Variants in RRAS2 observed in about 807,000 individuals in gnomAD.
RRAS2 encodes ras-related protein R-Ras2.
RRAS2 carries 7 observed loss-of-function variants against 27.6 expected under a neutral mutation model. That is an observed-to-expected ratio of 0.25 (90% CI 0.14 to 0.48). The LOEUF is 0.48. Ranked by LOEUF, RRAS2 falls within the 20% of genes least tolerant of loss-of-function variation. The probability of loss-of-function intolerance (pLI) is 0.99; values close to 1 mark genes in which losing one functional copy is unlikely to be tolerated. For synonymous variants in RRAS2, 86 were observed against 90.9 expected (o/e 0.95, Z 0.31); for missense variants, 178 against 256.2 (o/e 0.69, Z 2.08).
intron 1 of RRAS2, among the ~76,000 whole-genome samples, chr11:14,328,431 A>T (rs1410257620): frequency 3.3e-5 from 5 of 151,862 alleles, no homozygotes; most frequent in African/African-American, 1.2e-4. Flanking sequence ...AGCCAGGAAG[A>T]CACGTGTAAA....
upstream of RRAS2, chr11:14,359,190 C>T (rs1190019625): frequency 1.2e-5 from 11 of 910,118 alleles, no homozygotes; most frequent in Non-Finnish European, 1.3e-5. Flanking sequence ...GTCTGGGGGC[C>T]GGGCTGCCAG....
Position 14,358,660 on chromosome 11 carries a change from C to G in RRAS2, c.108+103G>C. ...GCCCCCTGGCCCCGGCCCGGGCCCG[C>G]GAGGCGCCTCTGGGGCGAGGTCGCG... On this transcript the variant is annotated intron_variant, in intron 1 of 5. Transcript: ENST00000256196. The surrounding 1 kb of genome is among the most constrained non-coding windows in gnomAD (Gnocchi z 5.1). 1.0e-6 allele frequency: 1 copy of G among 984,418 alleles called. No individual in the cohort carries two copies. Among genetic ancestry groups the G allele is most frequent in the Non-Finnish European group, 1.2e-6 (1 of 826,392 alleles). The allele number at this position is 984,418 out of a possible 1,614,324, so 61.0% of individuals were successfully genotyped here.
chr11:14,328,920 T>A (rs1303991442), intron 1 of RRAS2, among the ~76,000 whole-genome samples: 4 of 151,572 alleles, frequency 2.6e-5, no homozygotes, highest in African/African-American at 9.7e-5. Context: ...GGCCTCGGCC[T>A]CCCAAAGTGC....
intron 1 of RRAS2, among the ~76,000 whole-genome samples, chr11:14,297,780 T>A (rs1465044579): frequency 1.3e-5 from 2 of 152,160 alleles, no homozygotes; most frequent in Admixed American, 6.5e-5. Flanking sequence ...AAATTTTTTT[T>A]AAATTAAAAT....
chr11:14,295,069 G>A (rs1170248359), intron 2 of RRAS2, among the ~76,000 whole-genome samples: 2 of 152,110 alleles, frequency 1.3e-5, no homozygotes, highest in Non-Finnish European at 1.5e-5. Context: ...TCATCAGTAT[G>A]GGTTGACTTT....
Position 14,299,798 on chromosome 11 carries a change from C to T in RRAS2, c.109-3943G>A, listed in dbSNP as rs547216611. Among the ~76,000 whole-genome samples, 19 of 152,250 alleles carry T rather than the reference C, an allele frequency of 1.2e-4. No individual in the cohort carries two copies. The South Asian group carries it at 4.0e-3, about 32-fold the overall frequency. The stretch of plus-strand genomic sequence containing the variant: ...ACTGGGGGCAAGAGAAGGATTGGGG[C>T]ATTTTAAGTCTATACCCAAGCCAAA... On this transcript the variant is annotated intron_variant, in intron 1 of 5. Coordinates refer to ENST00000256196, the MANE Select transcript of RRAS2 (RefSeq NM_012250.6).
At chr11:14,293,065 G>A (rs1247711692) in intron 4 of RRAS2, among the ~76,000 whole-genome samples, 8 of 146,206 alleles carry the variant, frequency 5.5e-5, no homozygotes, top group Non-Finnish European at 4.5e-5. Context: ...CCAAGATCAC[G>A]CCACTGCACT....
At chr11:14,293,040 A>G (rs111303415) in intron 4 of RRAS2, among the ~76,000 whole-genome samples, 1 of 149,904 alleles carries the variant, frequency 6.7e-6, no homozygotes, top group South Asian at 2.1e-4. Flanking sequence ...CCCGGGAGGC[A>G]GAGCTTGCAG....
At chr11:14,311,128 G>A (rs561418877) in intron 1 of RRAS2, among the ~76,000 whole-genome samples, 4 of 152,126 alleles carry the variant, frequency 2.6e-5, no homozygotes, top group African/African-American at 7.2e-5. Context: ...TGAGAGGATC[G>A]CTTGAAGCTA....
chr11:14,318,221 G>A (rs1404915978), intron 1 of RRAS2, among the ~76,000 whole-genome samples: 3 of 152,060 alleles, frequency 2.0e-5, no homozygotes, highest in Non-Finnish European at 2.9e-5. Flanking sequence ...GAGTGCAGCC[G>A]GGCGTGGTGG....
At chr11:14,341,659 C>T (rs79214710) in intron 1 of RRAS2, among the ~76,000 whole-genome samples, 2 of 152,240 alleles carry the variant, frequency 1.3e-5, no homozygotes, top group Non-Finnish European at 2.9e-5. Flanking sequence ...ACTTGTGTCT[C>T]GTCAAACAAG....
intron 4 of RRAS2, among the ~76,000 whole-genome samples, chr11:14,291,006 AG>A (rs1398205384): frequency 3.3e-5 from 5 of 152,204 alleles, no homozygotes; most frequent in Non-Finnish European, 5.9e-5. Context: ...GTTGGTGAGA[AG>A]GAACAGGATC....
At chr11:14,324,140 T>A (rs536266952) in intron 1 of RRAS2, among the ~76,000 whole-genome samples, 1 of 152,082 alleles carries the variant, frequency 6.6e-6, no homozygotes, top group South Asian at 2.1e-4. Flanking sequence ...TTTTTAAGAA[T>A]ATATTTGATA....
At position 14,294,565 on chromosome 11, in the gene RRAS2, T is replaced by C. The variant is rs571234555; in HGVS notation, c.314A>G (p.Tyr105Cys). The C allele has an allele frequency of 6.3e-5, 99 of 1,582,256 alleles. No homozygotes were observed. Among genetic ancestry groups the C allele is most frequent in the East Asian group, 2.2e-4 (10 of 44,706 alleles). ...TCTGAGAATCTGTCTTTGAAACTTA[T>C]AGATTTCTTCAAAACTTAAAAAAAA... Reference protein sequence around the residue: ...VTDRGSFEEIYKFQRQILRVK... With the variant: ...VTDRGSFEEICKFQRQILRVK... The change falls in exon 4 of 6, where the codon TAT (tyrosine) becomes TGT (cysteine). Residue 105 changes from tyrosine to cysteine, a missense_variant. Coordinates refer to ENST00000256196, the MANE Select transcript of RRAS2 (RefSeq NM_012250.6).
chr11:14,294,500 T>C lies in RRAS2; in HGVS notation c.379A>G (p.Asn127Asp). The part of the protein sequence containing the change: ...RDEFPMILIG[N>D]KADLDHQRQV... ...CTTTGATGATCCAGATCTGCTTTAT[T>C]ACCAATTAAAATCATTGGGAACTCA... Residue 127 changes from asparagine to aspartate, a missense_variant, in exon 4 of 6, where the codon AAT becomes GAT. Asn to Asp is a conservative substitution (Grantham distance 23, BLOSUM62 1). Coordinates refer to ENST00000256196, the MANE Select transcript of RRAS2 (RefSeq NM_012250.6). 1 of 1,598,572 alleles carries C rather than the reference T, an allele frequency of 6.3e-7. No individual in the cohort carries two copies. The highest frequency in any genetic ancestry group is 8.5e-7 in the Non-Finnish European group (1 of 1,173,236).
At chr11:14,341,600 T>A (rs868906231) in intron 1 of RRAS2, among the ~76,000 whole-genome samples, 33 of 150,930 alleles carry the variant, frequency 2.2e-4, no homozygotes, top group Admixed American at 5.9e-4. Flanking sequence ...AAAAAAAAAA[T>A]AAAAATAAAA....
chr11:14,303,761 G>A (rs570635019), intron 1 of RRAS2, among the ~76,000 whole-genome samples: 2 of 152,100 alleles, frequency 1.3e-5, no homozygotes, highest in African/African-American at 4.8e-5. Context: ...TCCCTGCTCT[G>A]CATCTCTTCT....
chr11:14,304,156 A>G (rs1158946671), intron 1 of RRAS2, among the ~76,000 whole-genome samples: 1 of 152,166 alleles, frequency 6.6e-6, no homozygotes, highest in Non-Finnish European at 1.5e-5. Context: ...ATAGATTTGT[A>G]TACTAAACCT....
At chr11:14,342,642 A>C (rs760371291) in intron 1 of RRAS2, among the ~76,000 whole-genome samples, 12 of 152,216 alleles carry the variant, frequency 7.9e-5, no homozygotes, top group Middle Eastern at 3.2e-3. Flanking sequence ...AAGCTATAGA[A>C]CATGATATTA....
Sources: gnomAD v4.1 joint callset for allele counts (sites outside exome capture counted in the v4.1 genomes callset) on GRCh38, gnomAD v4.1.1 for gene constraint, Gnocchi (gnomAD v3.1) non-coding constraint, MANE v1.5 for transcripts, NCBI Gene and HGNC (gene_info 2026-07-23, HGNC 2026-07-21) for gene names.